CAP2: variants seen among roughly 807,000 people sequenced by gnomAD.
CAP2 encodes adenylyl cyclase-associated protein 2.
CAP2 carries 24 observed loss-of-function variants against 57.7 expected under a neutral mutation model. The ratio of observed to expected loss-of-function variants is 0.42; its 90% CI spans 0.30 to 0.58. The LOEUF is 0.58. Ranked by LOEUF, CAP2 falls within the 20% of genes least tolerant of loss-of-function variation. The pLI is 0.22. For missense variants in CAP2, 501 were observed against 590.3 expected, an observed-to-expected ratio of 0.85 and a Z score of 1.57; for synonymous variants, 194 against 207.2, an observed-to-expected ratio of 0.94 and a Z score of 0.55.
chr6:17,412,953 A>G (rs1759177260), intron 1 of CAP2, among the ~76,000 whole-genome samples: 1 of 152,158 alleles, frequency 6.6e-6, no homozygotes, highest in African/African-American at 2.4e-5. Context: ...ATTGAAAATT[A>G]ACAGTGCTAG....
intron 4 of CAP2, among the ~76,000 whole-genome samples, chr6:17,464,528 A>T (rs1760813486): frequency 6.6e-6 from 1 of 152,272 alleles, no homozygotes; most frequent in Admixed American, 6.5e-5. Flanking sequence ...GCAAAATTTT[A>T]AAAAATACCA....
chr6:17,405,236 G>A (rs1758928783), intron 1 of CAP2, among the ~76,000 whole-genome samples: 1 of 152,054 alleles, frequency 6.6e-6, no homozygotes, highest in South Asian at 2.1e-4. Context: ...ACAAAAATTA[G>A]CCAGGTGTGG....
At chr6:17,534,962 C>T (rs1445431712) in intron 7 of CAP2, among the ~76,000 whole-genome samples, 1 of 152,104 alleles carries the variant, frequency 6.6e-6, no homozygotes, top group Non-Finnish European at 1.5e-5. Context: ...AAAAATGAAC[C>T]AGGCAAGAGG....
intron 3 of CAP2, among the ~76,000 whole-genome samples, chr6:17,454,416 A>G (rs1760500313): frequency 6.6e-6 from 1 of 152,248 alleles, no homozygotes; most frequent in African/African-American, 2.4e-5. Flanking sequence ...ATAAGTGTCC[A>G]GGCGCTGGCT....
chr6:17,458,725 G>T (rs951129874), intron 3 of CAP2, among the ~76,000 whole-genome samples: 3 of 152,048 alleles, frequency 2.0e-5, no homozygotes, highest in African/African-American at 7.2e-5. Flanking sequence ...CTATTTACTA[G>T]AGAAGTCAGT....
chr6:17,507,350 C>G (rs756049163), intron 5 of CAP2, 38 bp downstream of exon 5: 2 of 1,607,674 alleles, frequency 1.2e-6, no homozygotes, highest in Non-Finnish European at 1.7e-6. Context: ...CACCTCATCA[C>G]ACGTTTGGAG....
chr6:17,490,512 C>G (rs886461032), intron 4 of CAP2, among the ~76,000 whole-genome samples: 1 of 152,152 alleles, frequency 6.6e-6, no homozygotes, highest in African/African-American at 2.4e-5. Context: ...TTCTTTCAGG[C>G]TAGAAAAGAG....
chr6:17,433,532 G>A (rs1759797105), intron 3 of CAP2, among the ~76,000 whole-genome samples: 1 of 152,206 alleles, frequency 6.6e-6, no homozygotes, highest in African/African-American at 2.4e-5. Flanking sequence ...CAGGGCAGAG[G>A]AGAGGGTGGA....
chr6:17,531,017 C>T, intron 7 of CAP2: 1 of 1,046,710 alleles, frequency 9.6e-7, no homozygotes, highest in East Asian at 2.4e-5. Flanking sequence ...TGAAGGGCCA[C>T]AGGAAGTTAT....
At chr6:17,464,167 C>T (rs1016941956) in intron 4 of CAP2, among the ~76,000 whole-genome samples, 29 of 151,914 alleles carry the variant, frequency 1.9e-4, no homozygotes, top group Admixed American at 5.9e-4. Flanking sequence ...GATTGTGTCA[C>T]GAATGAAATT....
chr6:17,530,167 G>A (rs1212045195), intron 7 of CAP2, among the ~76,000 whole-genome samples: 1 of 152,022 alleles, frequency 6.6e-6, no homozygotes, highest in East Asian at 1.9e-4. Context: ...CAATCTCCCG[G>A]GATCAAGCAA....
chr6:17,404,000 A>C (rs934177643), intron 1 of CAP2, among the ~76,000 whole-genome samples: 3 of 152,240 alleles, frequency 2.0e-5, no homozygotes, highest in African/African-American at 7.2e-5. Flanking sequence ...ATACAAGTAA[A>C]AAAATTGAAG....
intron 7 of CAP2, among the ~76,000 whole-genome samples, chr6:17,515,524 G>T (rs1476928003): frequency 1.3e-5 from 2 of 152,070 alleles, no homozygotes; most frequent in African/African-American, 4.8e-5. Flanking sequence ...TACTACCTGG[G>T]TGACGGGATC....
At chr6:17,434,405 T>C (rs890734264) in intron 3 of CAP2, among the ~76,000 whole-genome samples, 3 of 152,058 alleles carry the variant, frequency 2.0e-5, no homozygotes, top group Non-Finnish European at 4.4e-5. Context: ...ATTTTTGTGT[T>C]TTTAGTAGAG....
chr6:17,446,181 A>C (rs576851948), intron 3 of CAP2, among the ~76,000 whole-genome samples: 1 of 152,206 alleles, frequency 6.6e-6, no homozygotes, highest in African/African-American at 2.4e-5. Flanking sequence ...ATACTAAAAC[A>C]TTTATTTTAC....
At chr6:17,437,554 G>C (rs1050325663) in intron 3 of CAP2, among the ~76,000 whole-genome samples, 1 of 152,124 alleles carries the variant, frequency 6.6e-6, no homozygotes, top group Non-Finnish European at 1.5e-5. Context: ...TTTTTCTTAT[G>C]ATGAGTGAGG....
At chr6:17,549,141 A>G (rs1261082608) in intron 11 of CAP2, among the ~76,000 whole-genome samples, 1 of 152,200 alleles carries the variant, frequency 6.6e-6, no homozygotes, top group Non-Finnish European at 1.5e-5. Context: ...AAGGATTTGT[A>G]TCTAGAATTT....
chr6:17,542,994 ATGTT>A (rs1461020389), intron 10 of CAP2, 34 bp downstream of exon 10: 2 of 1,612,848 alleles, frequency 1.2e-6, no homozygotes, highest in South Asian at 2.2e-5. Flanking sequence ...GGTTATTATG[ATGTT>A]TTATAAACAA....
intron 4 of CAP2, among the ~76,000 whole-genome samples, chr6:17,465,732 C>T (rs184103532): frequency 6.4e-4 from 98 of 152,312 alleles, no homozygotes; most frequent in African/African-American, 2.3e-3. Flanking sequence ...AGTCCAGTAG[C>T]AGAGGGCTGG....
Sources: allele counts gnomAD v4.1 joint callset (sites outside exome capture counted in the v4.1 genomes callset), GRCh38; gene constraint gnomAD v4.1.1; transcripts MANE v1.5; gene names NCBI Gene and HGNC (gene_info 2026-07-23, HGNC 2026-07-21).